The following ESRRG variants were observed in gnomAD, a reference collection of about 807,000 sequenced individuals.
The protein encoded by ESRRG is estrogen related receptor gamma.
Under a neutral mutation model 44.0 loss-of-function variants are expected in ESRRG, and 13 were observed. That is an observed-to-expected ratio of 0.30 (90% CI 0.19 to 0.47). The LOEUF (loss-of-function observed/expected upper bound fraction) is 0.47. ESRRG is among the 20% of genes least tolerant of loss of function. The pLI is 1.00. For synonymous variants in ESRRG, 215 were observed against 214.6 expected (o/e 1.00, Z -0.02); for missense variants, 395 against 580.6 (o/e 0.68, Z 3.29).
intron 2 of ESRRG, among the ~76,000 whole-genome samples, chr1:216,818,781 G>T (rs995915011): frequency 1.3e-5 from 2 of 151,868 alleles, no homozygotes; most frequent in African/African-American, 4.8e-5. Flanking sequence ...TCCACCTACC[G>T]CAGCCCCCAG....
chr1:216,562,458 T>C (rs963993195), intron 5 of ESRRG, among the ~76,000 whole-genome samples: 9 of 152,088 alleles, frequency 5.9e-5, no homozygotes, highest in Non-Finnish European at 2.9e-5. Flanking sequence ...ACCTGATTCC[T>C]GGGTTAGAAC....
At chr1:216,963,917 G>A (rs373214409) in intron 1 of ESRRG, among the ~76,000 whole-genome samples, 171 of 152,288 alleles carry the variant, frequency 1.1e-3, no homozygotes, top group African/African-American at 4.0e-3. Context: ...TTGACTGACA[G>A]ACAGAAGCCA....
intron 1 of ESRRG, among the ~76,000 whole-genome samples, chr1:216,969,551 G>A (rs2071200681): frequency 6.6e-6 from 1 of 151,982 alleles, no homozygotes; most frequent in Admixed American, 6.6e-5. Context: ...GATGTTTTAG[G>A]AACCACATTT....
chr1:216,576,556 A>T (rs1347717253), intron 3 of ESRRG, among the ~76,000 whole-genome samples: 1 of 152,066 alleles, frequency 6.6e-6, no homozygotes, highest in African/African-American at 2.4e-5. Flanking sequence ...TCCAAAATAC[A>T]GTTGTGGATT....
At chr1:216,792,567 T>C (rs2094352651) in intron 2 of ESRRG, among the ~76,000 whole-genome samples, 1 of 152,196 alleles carries the variant, frequency 6.6e-6, no homozygotes, top group Non-Finnish European at 1.5e-5. Context: ...GCAGTGGCAT[T>C]AGGAAGAATG....
chr1:216,545,847 T>TA (rs1468437751), intron 5 of ESRRG, among the ~76,000 whole-genome samples: 1 of 152,052 alleles, frequency 6.6e-6, no homozygotes, highest in Non-Finnish European at 1.5e-5. Flanking sequence ...ATACCAAAGA[T>TA]AAAATGTACT....
chr1:216,818,372 T>G (rs973123222), intron 2 of ESRRG, among the ~76,000 whole-genome samples: 1 of 152,224 alleles, frequency 6.6e-6, no homozygotes, highest in Non-Finnish European at 1.5e-5. Context: ...CAGGCATTAT[T>G]CAATATTGTA....
intron 2 of ESRRG, among the ~76,000 whole-genome samples, chr1:216,835,847 A>G (rs896732022): frequency 6.6e-6 from 1 of 152,182 alleles, no homozygotes; most frequent in Non-Finnish European, 1.5e-5. Flanking sequence ...TAATGAGGGA[A>G]CTTAGCTAAA....
intron 5 of ESRRG, among the ~76,000 whole-genome samples, chr1:216,554,877 G>T (rs1044992885): frequency 2.0e-5 from 3 of 152,130 alleles, no homozygotes; most frequent in African/African-American, 7.2e-5. Context: ...TTGCTGTAGC[G>T]TTTGCCTTCC....
chr1:216,775,502 C>G (rs1352802455), intron 2 of ESRRG, among the ~76,000 whole-genome samples: 1 of 144,242 alleles, frequency 6.9e-6, no homozygotes, highest in Non-Finnish European at 1.5e-5. Context: ...TTCCCAATTG[C>G]TCAACCCTGA....
intron 1 of ESRRG, among the ~76,000 whole-genome samples, chr1:216,699,664 A>G (rs890678021): frequency 4.6e-5 from 7 of 152,208 alleles, no homozygotes; most frequent in African/African-American, 1.7e-4. Flanking sequence ...ACTGAAAAAA[A>G]AAATGGAACG....
chr1:216,551,830 G>T (rs1237196088), intron 5 of ESRRG, among the ~76,000 whole-genome samples: 1 of 152,104 alleles, frequency 6.6e-6, no homozygotes, highest in Non-Finnish European at 1.5e-5. Flanking sequence ...TTAAATTCAT[G>T]TTATTTTATC....
chr1:217,109,018 C>T (rs1031980046), intron 1 of ESRRG, among the ~76,000 whole-genome samples: 85 of 152,204 alleles, frequency 5.6e-4, no homozygotes, highest in African/African-American at 1.9e-3. Context: ...TACAACAGAT[C>T]GCATGGGCAC....
chr1:216,680,385 A>C (rs1188718317), intron 1 of ESRRG, among the ~76,000 whole-genome samples: 1 of 152,224 alleles, frequency 6.6e-6, no homozygotes, highest in Non-Finnish European at 1.5e-5. Context: ...CTGACTTCAA[A>C]GACCAGAGCA....
intron 2 of ESRRG, among the ~76,000 whole-genome samples, chr1:216,881,774 G>C (rs965386572): frequency 2.8e-4 from 43 of 152,262 alleles, no homozygotes; most frequent in African/African-American, 9.6e-4. Flanking sequence ...AAAAGTTATG[G>C]ACACATTCAA....
At chr1:216,749,643 C>T (rs1363625944) in intron 2 of ESRRG, among the ~76,000 whole-genome samples, 1 of 152,112 alleles carries the variant, frequency 6.6e-6, no homozygotes, top group East Asian at 1.9e-4. Context: ...TTTGGTAAAA[C>T]ACATAGCTGA....
chr1:216,952,394 C>A (rs770567741), intron 1 of ESRRG, among the ~76,000 whole-genome samples: 7 of 152,150 alleles, frequency 4.6e-5, no homozygotes, highest in Non-Finnish European at 7.3e-5. Context: ...CTTACAAGGA[C>A]AGGATCCCTA....
intron 1 of ESRRG, among the ~76,000 whole-genome samples, chr1:217,015,708 G>C (rs980490840): frequency 1.9e-4 from 28 of 150,794 alleles, no homozygotes; most frequent in Non-Finnish European, 3.8e-4. Flanking sequence ...TTGTTTGTGT[G>C]GGGGGTGAGA....
intron 3 of ESRRG, among the ~76,000 whole-genome samples, chr1:216,586,912 C>G (rs112688671): frequency 2.0e-5 from 3 of 152,036 alleles, no homozygotes; most frequent in Non-Finnish European, 4.4e-5. Flanking sequence ...TTTATCAGCA[C>G]CAACATAATA....
Sources: gnomAD v4.1 joint callset for allele counts (sites outside exome capture counted in the v4.1 genomes callset) on GRCh38, gnomAD v4.1.1 for gene constraint, MANE v1.5 for transcripts, NCBI Gene and HGNC (gene_info 2026-07-23, HGNC 2026-07-21) for gene names.